Variants in CYLD observed in about 807,000 individuals in gnomAD.
CYLD encodes ubiquitin carboxyl-terminal hydrolase CYLD.
CYLD carries 26 observed loss-of-function variants against 104.5 expected under a neutral mutation model. The observed-to-expected ratio is 0.25, with a 90% CI of 0.18 to 0.35. CYLD has a LOEUF of 0.35. Ranked by LOEUF, CYLD falls within the 10% of genes least tolerant of loss-of-function variation. CYLD has a pLI of 1.00. For synonymous variants in CYLD, 385 were observed against 399.9 expected (o/e 0.96, Z 0.45); for missense variants, 703 against 1,136.1 (o/e 0.62, Z 5.48).
intron 9 of CYLD, among the ~76,000 whole-genome samples, 178 bp from the exon 10 acceptor site, chr16:50,781,068 A>G (rs955624435): frequency 6.6e-6 from 1 of 152,206 alleles, no homozygotes; most frequent in Non-Finnish European, 1.5e-5. Context: ...TTAAATCAGT[A>G]GCTGTGGGCT....
Position 50,794,678 on chromosome 16 carries a change from C to T in CYLD, c.2686+250C>T. 2.1e-6 allele frequency: 1 copy of T among 487,714 alleles called. No homozygotes were observed. 30.2% of individuals were successfully genotyped at this position (487,714 alleles called of 1,614,324 possible). On this transcript the variant is annotated intron_variant, in intron 18 of 18. Transcript: ENST00000427738. This position sits in a 1 kb window ranked among gnomAD's most constrained non-coding sequence, Gnocchi z 4.1. ...CTCTGTCACCCAGGCTGGAGTGCAG[C>T]AGCGTGATCTTGGCTCATTGCAACC...
At chr16:50,747,485 T>C (rs1238265803) in intron 2 of CYLD, among the ~76,000 whole-genome samples, 1 of 152,164 alleles carries the variant, frequency 6.6e-6, no homozygotes, top group African/African-American at 2.4e-5. Flanking sequence ...TGCAAAATAA[T>C]TTACAGTCAT....
At chr16:50,781,761 A>G (rs1307529002) in intron 10 of CYLD, among the ~76,000 whole-genome samples, 1 of 151,792 alleles carries the variant, frequency 6.6e-6, no homozygotes, top group Non-Finnish European at 1.5e-5. Context: ...TGTCTTGTTT[A>G]CAGCAGTGAG....
intron 2 of CYLD, 31 bp from the exon 3 acceptor site, chr16:50,749,545 C>T: frequency 1.4e-6 from 1 of 721,458 alleles, no homozygotes; most frequent in Non-Finnish European, 2.2e-6. Flanking sequence ...TGCTTTTTCA[C>T]TAGGCATTTT....
chr16:50,768,281 ATTAAT>A (rs1186705789), intron 5 of CYLD, among the ~76,000 whole-genome samples: 1 of 152,196 alleles, frequency 6.6e-6, no homozygotes, highest in African/African-American at 2.4e-5. Flanking sequence ...TTAAATGAAA[ATTAAT>A]TTAGTTTACT....
At chr16:50,795,370 A>G (rs2151043570) in intron 18 of CYLD, among the ~76,000 whole-genome samples, 1 of 152,322 alleles carries the variant, frequency 6.6e-6, no homozygotes, top group South Asian at 2.1e-4. Context: ...ATGCTTAATC[A>G]TTATTTAACT....
intron 5 of CYLD, among the ~76,000 whole-genome samples, chr16:50,767,497 T>C (rs1242212892): frequency 6.6e-6 from 1 of 151,362 alleles, no homozygotes; most frequent in Admixed American, 6.6e-5. Flanking sequence ...CATAGAGTAC[T>C]TTTGAAAGCT....
intron 2 of CYLD, among the ~76,000 whole-genome samples, chr16:50,747,315 A>G (rs1488373574): frequency 6.6e-6 from 1 of 152,234 alleles, no homozygotes; most frequent in East Asian, 1.9e-4. Flanking sequence ...GAAAGCAACA[A>G]GGCCGTAAAA....
At chr16:50,780,175 A>C (rs1454821685) in intron 9 of CYLD, 131 bp downstream of exon 9, 2 of 1,168,648 alleles carry the variant, frequency 1.7e-6, no homozygotes, top group East Asian at 4.9e-5. Context: ...TAATTTTCTC[A>C]CCATGTTTTC....
intron 1 of CYLD, chr16:50,742,405 C>A (rs547077014): frequency 1.2e-4 from 21 of 175,708 alleles, no homozygotes; most frequent in Middle Eastern, 1.1e-3. Context: ...CCGGGTTTCC[C>A]CCCCCCACCG....
In CYLD at chr16:50,800,711, A is replaced by G. The variant is rs1199007872; in HGVS notation, c.*4203A>G. Reference sequence around the variant, plus strand: ...TTTATAATGAAAATTTAAAAATTATATGGGAAGATTTTTCTCTGGGATAAC... The same window carrying G: ...TTTATAATGAAAATTTAAAAATTATGTGGGAAGATTTTTCTCTGGGATAAC... On this transcript the variant is annotated 3_prime_UTR_variant, in exon 19 of 19. Transcript: ENST00000427738. 3.4e-5 allele frequency: 8 copies of G among 232,732 alleles called. No homozygotes were observed. Among genetic ancestry groups the G allele is most frequent in the African/African-American group, 1.8e-4 (8 of 45,326 alleles). The allele number at this position is 232,732 out of a possible 1,614,324, so 14.4% of individuals were successfully genotyped here.
At chr16:50,784,192 G>A (rs1597065223) in intron 11 of CYLD, 137 bp from the exon 12 acceptor site, 1 of 887,768 alleles carries the variant, frequency 1.1e-6, no homozygotes, top group East Asian at 2.7e-5. Context: ...CCTGGTACCT[G>A]TGTTAATGAA....
At chr16:50,790,749 C>T (rs971351623) in intron 14 of CYLD, among the ~76,000 whole-genome samples, 2 of 151,332 alleles carry the variant, frequency 1.3e-5, no homozygotes, top group African/African-American at 4.9e-5. Context: ...AATATTTTCT[C>T]CTAAAAATCT....
intron 3 of CYLD, 27 bp from the exon 4 acceptor site, chr16:50,751,573 CTATT>C (rs781763284): frequency 6.2e-7 from 1 of 1,606,264 alleles, no homozygotes; most frequent in African/African-American, 1.3e-5. Context: ...CTTTCTATAT[CTATT>C]TCTTTCCCTT....
At chr16:50,783,119 CGGG>C (rs1363425493) in intron 11 of CYLD, among the ~76,000 whole-genome samples, 2 of 151,778 alleles carry the variant, frequency 1.3e-5, no homozygotes, top group Middle Eastern at 3.4e-3. Flanking sequence ...TCAGTAGAGA[CGGG>C]GGTTTCACCA....
Position 50,797,333 on chromosome 16 carries a change from A to G in CYLD, c.*825A>G, listed in dbSNP as rs1972138588. The G allele has an allele frequency of 4.3e-6, 1 of 232,288 alleles. No homozygotes were observed. 14.4% of individuals were successfully genotyped at this position (232,288 alleles called of 1,614,324 possible). On this transcript the variant is annotated 3_prime_UTR_variant, in exon 19 of 19. Transcript: ENST00000427738. ...ATTGGAGTGATAATAGTCCTTTACA[A>G]ACATACAGTCCATAAGAAAATGAAT...
intron 2 of CYLD, among the ~76,000 whole-genome samples, chr16:50,749,213 A>G (rs1966435743): frequency 6.6e-6 from 1 of 152,212 alleles, no homozygotes; most frequent in Non-Finnish European, 1.5e-5. Flanking sequence ...AAAACAAATA[A>G]ATAAAAATAA....
chr16:50,760,882 G>A (rs1004664212), intron 5 of CYLD, among the ~76,000 whole-genome samples: 8 of 152,150 alleles, frequency 5.3e-5, no homozygotes, highest in African/African-American at 4.8e-5. Context: ...GCCTTCAGTC[G>A]TAGATATAAC....
In CYLD at chr16:50,749,423, T is replaced by G. The variant is rs1596963407; in HGVS notation, c.-123-153T>G. ...ATGTATGTCTTTTAGCCCTTTTAGA[T>G]ATTTTTTGAAAATATTTCATTTGTG... On this transcript the variant is annotated intron_variant, in intron 2 of 18. Coordinates refer to ENST00000427738, the MANE Select transcript of CYLD (RefSeq NM_001378743.1). 3 of 548,400 alleles carry G rather than the reference T, an allele frequency of 5.5e-6. No individual in the cohort carries two copies. In the East Asian group the frequency reaches 8.7e-5, roughly 16 times the overall value. 34.0% of individuals were successfully genotyped at this position (548,400 alleles called of 1,614,324 possible).
Sources: allele counts gnomAD v4.1 joint callset (sites outside exome capture counted in the v4.1 genomes callset), GRCh38; gene constraint gnomAD v4.1.1; non-coding constraint Gnocchi (gnomAD v3.1); transcripts MANE v1.5; gene names NCBI Gene and HGNC (gene_info 2026-07-23, HGNC 2026-07-21).